The following CADPS2 variants were observed in gnomAD, a reference collection of about 807,000 sequenced individuals.
CADPS2 encodes the protein calcium dependent secretion activator 2.
Under a neutral mutation model 172.5 loss-of-function variants are expected in CADPS2, and 93 were observed. The ratio of observed to expected loss-of-function variants is 0.54; its 90% CI spans 0.46 to 0.64. CADPS2 has a LOEUF of 0.64. Ranked by LOEUF, CADPS2 falls within the 30% of genes least tolerant of loss-of-function variation. The pLI is 0.00. For missense variants in CADPS2, 1,420 were observed against 1,565.9 expected (o/e 0.91, Z 1.57); for synonymous variants, 546 against 555.2 (o/e 0.98, Z 0.23).
intron 9 of CADPS2, among the ~76,000 whole-genome samples, chr7:122,497,519 T>C (rs946404472): frequency 2.6e-5 from 4 of 152,178 alleles, no homozygotes; most frequent in African/African-American, 4.8e-5. Flanking sequence ...AAACTTTGAG[T>C]GCTTTACTTC....
At chr7:122,367,927 T>C (rs989578793) in intron 25 of CADPS2, 5 of 152,028 alleles carry the variant, frequency 3.3e-5, no homozygotes, top group African/African-American at 1.2e-4. Context: ...ATCCTCCATC[T>C]TCAAAGCTGG....
intron 3 of CADPS2, among the ~76,000 whole-genome samples, chr7:122,640,318 G>GGT (rs1321914737): frequency 1.3e-5 from 2 of 151,832 alleles, no homozygotes; most frequent in Admixed American, 6.6e-5. Flanking sequence ...TCTTTCTTTG[G>GGT]GTGTGTGTGT....
intron 24 of CADPS2, among the ~76,000 whole-genome samples, chr7:122,380,605 A>G (rs1459835935): frequency 6.6e-6 from 1 of 152,112 alleles, no homozygotes; most frequent in Non-Finnish European, 1.5e-5. Flanking sequence ...TGGTTATCAT[A>G]AACCTGCATA....
chr7:122,645,778 TATATATATGAG>T (rs909848279), intron 3 of CADPS2, among the ~76,000 whole-genome samples: 3 of 147,040 alleles, frequency 2.0e-5, no homozygotes, highest in African/African-American at 7.5e-5. Context: ...TGCCCCCTGC[TATATATATGAG>T]ATATATATAA....
chr7:122,852,493 G>C (rs1813941007), intron 1 of CADPS2, among the ~76,000 whole-genome samples: 1 of 152,198 alleles, frequency 6.6e-6, no homozygotes, highest in African/African-American at 2.4e-5. Flanking sequence ...GTGTATGTGG[G>C]TGGGGCAGGG....
Position 122,320,045 on chromosome 7 carries a change from G to T in CADPS2, c.*120C>A. 9.6e-7 allele frequency: 1 copy of T among 1,043,944 alleles called. No homozygotes were observed. The highest frequency in any genetic ancestry group is 1.3e-6 in the Non-Finnish European group (1 of 785,608). The allele number at this position is 1,043,944 out of a possible 1,614,324, so 64.7% of individuals were successfully genotyped here. ...TCTACATTCAGGCTTACTTTTTAAA[G>T]AAATACAAGCATTTTTATTTGGCCA... is the stretch of plus-strand genomic sequence containing the variant. On this transcript the variant is annotated 3_prime_UTR_variant, in exon 30 of 30. Coordinates refer to ENST00000449022, the MANE Select transcript of CADPS2 (RefSeq NM_017954.11).
chr7:122,578,363 ATGTT>A (rs2068327747), intron 7 of CADPS2, among the ~76,000 whole-genome samples: 1 of 152,210 alleles, frequency 6.6e-6, no homozygotes, highest in South Asian at 2.1e-4. Flanking sequence ...TGAGTGTACA[ATGTT>A]TGAGGAAAAG....
chr7:122,378,174 C>T (rs1278394164), intron 25 of CADPS2, among the ~76,000 whole-genome samples: 1 of 152,022 alleles, frequency 6.6e-6, no homozygotes, highest in Non-Finnish European at 1.5e-5. Flanking sequence ...TTTGCTTTAC[C>T]TTTTCCCTCA....
At chr7:122,330,063 GGAAAGA>G (rs1481379620) in intron 28 of CADPS2, among the ~76,000 whole-genome samples, 1 of 152,072 alleles carries the variant, frequency 6.6e-6, no homozygotes. Context: ...ACAAAGAAAA[GGAAAGA>G]AAAAGAACCA....
At chr7:122,719,306 A>G (rs2215666) in intron 2 of CADPS2, among the ~76,000 whole-genome samples, 151,168 of 152,142 alleles carry the variant, frequency 0.99, 75,106 homozygotes, top group Non-Finnish European at 1. Flanking sequence ...CATGAGGAGA[A>G]CAAGCTGGAA....
At position 122,611,537 on chromosome 7, in the gene CADPS2, CA is replaced by C. The variant is rs1291605335; in HGVS notation, c.1223+3643del. 2.6e-5 allele frequency among the ~76,000 whole-genome samples: 4 copies of C among 151,858 alleles called. No homozygotes were observed. The South Asian group carries it at 6.2e-4, about 24-fold the overall frequency. On this transcript the variant is annotated intron_variant, in intron 6 of 29. Coordinates refer to ENST00000449022, the MANE Select transcript of CADPS2 (RefSeq NM_017954.11). ...CATAACAGGAAAACACAAAATGACT[CA>C]AAAGAAAGACAATGAATAGATCTAT...
At chr7:122,821,240 G>A (rs13246664) in intron 1 of CADPS2, among the ~76,000 whole-genome samples, 30,868 of 151,796 alleles carry the variant, frequency 0.2, 3,245 homozygotes, top group Middle Eastern at 0.3. Flanking sequence ...TATTGATGGC[G>A]GTTCCACCAG....
intron 1 of CADPS2, among the ~76,000 whole-genome samples, chr7:122,809,769 G>A (rs1237086980): frequency 1.3e-5 from 2 of 152,094 alleles, no homozygotes; most frequent in Non-Finnish European, 2.9e-5. Flanking sequence ...TACAGAACCT[G>A]GAATGTATAA....
intron 8 of CADPS2, among the ~76,000 whole-genome samples, chr7:122,544,390 A>C (rs1348026872): frequency 6.6e-6 from 1 of 152,192 alleles, no homozygotes; most frequent in African/African-American, 2.4e-5. Flanking sequence ...CACAGTATCT[A>C]ACCTTTGCTG....
intron 17 of CADPS2, among the ~76,000 whole-genome samples, chr7:122,431,919 G>A (rs1425835590): frequency 2.0e-5 from 3 of 147,030 alleles, no homozygotes; most frequent in Non-Finnish European, 4.5e-5. Context: ...AGACTTCATC[G>A]GGGGCGGGGG....
intron 17 of CADPS2, chr7:122,436,442 T>C (rs1256953605): frequency 1.1e-5 from 10 of 915,546 alleles, no homozygotes; most frequent in Admixed American, 3.2e-5. Context: ...GTTCATATAA[T>C]GTAAAAGGCC....
chr7:122,651,260 G>GAA (rs5887109), intron 3 of CADPS2, among the ~76,000 whole-genome samples: 4,977 of 143,608 alleles, frequency 0.035, 148 homozygotes, highest in Non-Finnish European at 0.04. Context: ...CTACTAGTTG[G>GAA]AAAAAAAAAA....
chr7:122,568,494 TATA>T (rs1381356813), intron 7 of CADPS2, among the ~76,000 whole-genome samples: 2 of 152,056 alleles, frequency 1.3e-5, no homozygotes, highest in Non-Finnish European at 2.9e-5. Flanking sequence ...AGCTATATAA[TATA>T]ATATTTACAC....
chr7:122,695,152 C>A (rs1228129150), intron 2 of CADPS2, among the ~76,000 whole-genome samples: 1 of 152,188 alleles, frequency 6.6e-6, no homozygotes, highest in Non-Finnish European at 1.5e-5. Context: ...TGTCCTATAA[C>A]AAGAGGTACT....
Sources: allele counts gnomAD v4.1 joint callset (sites outside exome capture counted in the v4.1 genomes callset), GRCh38; gene constraint gnomAD v4.1.1; transcripts MANE v1.5; gene names NCBI Gene and HGNC (gene_info 2026-07-23, HGNC 2026-07-21).